Variants in PIGK observed in about 807,000 individuals in gnomAD.
The protein encoded by PIGK is phosphatidylinositol glycan anchor biosynthesis class K, also known as GPI-anchor transamidase.
PIGK carries 42 observed loss-of-function variants against 50.6 expected under a neutral mutation model. The observed-to-expected ratio is 0.83, with a 90% CI of 0.65 to 1.07. The LOEUF (loss-of-function observed/expected upper bound fraction) is 1.07. Ranked by LOEUF, PIGK falls within the 50% of genes least tolerant of loss-of-function variation. The pLI is 0.00. For synonymous variants in PIGK, 151 were observed against 156.0 expected, an observed-to-expected ratio of 0.97 and a Z score of 0.24; for missense variants, 448 against 488.7, an observed-to-expected ratio of 0.92 and a Z score of 0.78.
At chr1:77,188,537 C>CAGTCCTGT (rs559629595) in intron 3 of PIGK, among the ~76,000 whole-genome samples, 3 of 152,126 alleles carry the variant, frequency 2.0e-5, no homozygotes, top group African/African-American at 7.2e-5. Flanking sequence ...AATTTCACCT[C>CAGTCCTGT]GGTCCTGTGG....
At chr1:77,167,125 G>A (rs994889109) in intron 4 of PIGK, among the ~76,000 whole-genome samples, 21 of 152,168 alleles carry the variant, frequency 1.4e-4, no homozygotes, top group Admixed American at 1.2e-3. Context: ...AGGACTGCTT[G>A]TGGGCAGGAG....
chr1:77,129,336 C>T, intron 9 of PIGK: 1 of 1,586,242 alleles, frequency 6.3e-7, no homozygotes, highest in Non-Finnish European at 8.6e-7. Context: ...GCAGGCCAAG[C>T]AGTGGGGCTG....
chr1:77,135,742 C>G (rs1251021437), intron 9 of PIGK, among the ~76,000 whole-genome samples: 1 of 151,370 alleles, frequency 6.6e-6, no homozygotes, highest in African/African-American at 2.4e-5. Context: ...AAACTGCATA[C>G]TTTCCTCACT....
chr1:77,206,700 C>G lies in PIGK; in HGVS notation c.179G>C (p.Arg60Pro). 1 of 1,611,446 alleles carries G rather than the reference C, an allele frequency of 6.2e-7. No homozygotes were observed. The highest frequency in any genetic ancestry group is 8.5e-7 in the Non-Finnish European group (1 of 1,178,040). ...AACAGAAAGGGTATTTGCAACATGT[C>G]GATAATTAAACCAGAATCGGGATGT... is the stretch of plus-strand genomic sequence containing the variant. ...VCTSRFWFNY[R>P]HVANTLSVYR... The change falls in exon 3 of 11, where the codon CGA (arginine) becomes CCA (proline). Residue 60 changes from arginine (R) to proline (P), a missense_variant. Transcript: ENST00000370812.
intron 10 of PIGK, among the ~76,000 whole-genome samples, chr1:77,120,682 A>C (rs996989054): frequency 6.6e-6 from 1 of 152,232 alleles, no homozygotes; most frequent in African/African-American, 2.4e-5. Flanking sequence ...GTCTGCTATT[A>C]ACAATGACCT....
chr1:77,195,680 G>A (rs1280818562), intron 3 of PIGK, among the ~76,000 whole-genome samples: 1 of 151,822 alleles, frequency 6.6e-6, no homozygotes, highest in African/African-American at 2.4e-5. Flanking sequence ...CTGCTAATAG[G>A]CTTATTATTC....
At chr1:77,207,842 A>T (rs529013132) in intron 2 of PIGK, among the ~76,000 whole-genome samples, 80 of 152,006 alleles carry the variant, frequency 5.3e-4, no homozygotes, top group African/African-American at 1.8e-3. Context: ...GTTTTTTTTT[A>T]AATTAAGTTT....
chr1:77,107,551 A>C (rs1367595016), intron 10 of PIGK, among the ~76,000 whole-genome samples: 1 of 152,172 alleles, frequency 6.6e-6, no homozygotes, highest in Non-Finnish European at 1.5e-5. Context: ...GGTGCTGAGA[A>C]GAATGTATAT....
chr1:77,178,196 T>C (rs1655530234), intron 3 of PIGK, among the ~76,000 whole-genome samples: 1 of 152,178 alleles, frequency 6.6e-6, no homozygotes, highest in South Asian at 2.1e-4. Flanking sequence ...CACGATAAAC[T>C]TTAATGGTAT....
At chr1:77,175,088 A>C (rs946481625) in intron 3 of PIGK, among the ~76,000 whole-genome samples, 1 of 152,288 alleles carries the variant, frequency 6.6e-6, no homozygotes, top group East Asian at 1.9e-4. Flanking sequence ...GGAAATAAAA[A>C]ATTTTAAAGA....
In PIGK at chr1:77,118,311, C is replaced by A. The variant is rs184279644; in HGVS notation, c.1071+3964G>T. 4.4e-3 allele frequency among the ~76,000 whole-genome samples: 667 copies of A among 151,840 alleles called. 5 individuals carry two copies. The highest frequency in any genetic ancestry group is 0.016 in the African/African-American group (645 of 41,394). ...GGAGTACAGTGGCGTGATCGCAGCTCACTGTAACCTCAAAAACTCCTGGGC... is the reference window on the plus strand; with the variant it reads ...GGAGTACAGTGGCGTGATCGCAGCTAACTGTAACCTCAAAAACTCCTGGGC... On this transcript the variant is annotated intron_variant, in intron 10 of 10. Coordinates refer to ENST00000370812, the MANE Select transcript of PIGK (RefSeq NM_005482.3).
intron 8 of PIGK, among the ~76,000 whole-genome samples, chr1:77,155,307 A>G (rs1480467535): frequency 6.6e-6 from 1 of 152,124 alleles, no homozygotes; most frequent in African/African-American, 2.4e-5. Context: ...CATCACAGTA[A>G]TTTTTCTGTT....
intron 10 of PIGK, among the ~76,000 whole-genome samples, chr1:77,113,185 A>T (rs1343995349): frequency 6.6e-6 from 1 of 151,956 alleles, no homozygotes; most frequent in African/African-American, 2.4e-5. Context: ...GAAAAAGAAA[A>T]ATTTATTACA....
At chr1:77,166,239 G>GTA (rs1231778322) in intron 5 of PIGK, among the ~76,000 whole-genome samples, 14 of 152,194 alleles carry the variant, frequency 9.2e-5, no homozygotes, top group African/African-American at 3.1e-4. Context: ...TATCTGAGGA[G>GTA]TATATCCACA....
chr1:77,196,154 T>C (rs1656030267), intron 3 of PIGK, among the ~76,000 whole-genome samples: 1 of 152,238 alleles, frequency 6.6e-6, no homozygotes, highest in African/African-American at 2.4e-5. Flanking sequence ...GGAAAGGACA[T>C]GATCTTTGTT....
At chr1:77,197,524 A>G (rs537474117) in intron 3 of PIGK, among the ~76,000 whole-genome samples, 5 of 152,302 alleles carry the variant, frequency 3.3e-5, no homozygotes, top group South Asian at 4.1e-4. Flanking sequence ...AAACTTCACA[A>G]TCACCACAGT....
Position 77,089,105 on chromosome 1 carries a change from C to T in PIGK, c.*3269G>A, listed in dbSNP as rs1653241136. 1 of 152,110 alleles carries T rather than the reference C, an allele frequency of 6.6e-6. No homozygotes were observed. The highest frequency in any genetic ancestry group is 2.4e-5 in the African/African-American group (1 of 41,424). The allele number at this position is 152,110 out of a possible 1,614,324, so 9.4% of individuals were successfully genotyped here. On this transcript the variant is annotated 3_prime_UTR_variant, in exon 11 of 11. Coordinates refer to ENST00000370812, the MANE Select transcript of PIGK (RefSeq NM_005482.3). ...AATATTTCACAGCACATTTCCAAAA[C>T]AGTACAGTTTTTACACTAAGAAAAA... is the stretch of plus-strand genomic sequence containing the variant.
intron 10 of PIGK, 62 bp downstream of exon 10, chr1:77,122,213 G>C: frequency 2.8e-6 from 3 of 1,077,462 alleles, no homozygotes; most frequent in Non-Finnish European, 4.3e-6. Flanking sequence ...CCTAACAAAA[G>C]CAATTACTTC....
At chr1:77,115,225 C>T (rs1164570700) in intron 10 of PIGK, among the ~76,000 whole-genome samples, 2 of 152,020 alleles carry the variant, frequency 1.3e-5, no homozygotes, top group Non-Finnish European at 2.9e-5. Flanking sequence ...TTACAGAGCC[C>T]GGGACAACAT....
Sources: gnomAD v4.1 joint callset for allele counts (sites outside exome capture counted in the v4.1 genomes callset) on GRCh38, gnomAD v4.1.1 for gene constraint, MANE v1.5 for transcripts, NCBI Gene and HGNC (gene_info 2026-07-23, HGNC 2026-07-21) for gene names.